The following FBLN5 variants were observed in gnomAD, a reference collection of about 807,000 sequenced individuals.
FBLN5 encodes the protein fibulin 5.
In FBLN5, 24 loss-of-function variants were observed where a neutral mutation model predicts 61.6. That is an observed-to-expected ratio of 0.39 (90% confidence interval 0.28 to 0.55). The LOEUF (loss-of-function observed/expected upper bound fraction) is 0.55, where lower values mean the gene tolerates loss of function less well. FBLN5 is among the 20% of genes least tolerant of loss of function. FBLN5 has a pLI of 0.65. For missense variants in FBLN5, 470 were observed against 594.1 expected, an observed-to-expected ratio of 0.79 and a Z score of 2.17; for synonymous variants, 213 against 219.8, an observed-to-expected ratio of 0.97 and a Z score of 0.27.
At chr14:91,942,791 T>G (rs1042669976) in intron 2 of FBLN5, 116 bp downstream of exon 2, 17 of 711,810 alleles carry the variant, frequency 2.4e-5, no homozygotes, top group Admixed American at 1.6e-4. Flanking sequence ...TCAGATGAGG[T>G]CAACTGTAAA....
intron 9 of FBLN5, among the ~76,000 whole-genome samples, chr14:91,880,050 C>G (rs185044209): frequency 2.0e-5 from 3 of 152,240 alleles, no homozygotes; most frequent in African/African-American, 4.8e-5. Context: ...TGGAAGTTGT[C>G]TTCACTTTAA....
chr14:91,870,635 C>T lies in FBLN5; in HGVS notation c.1186-250G>A, dbSNP rs551213111. ...CCCCAATCTAAGTCAGGTCCCCCTG[C>T]GACCTCTGACGCTGCAGCCTTTACT... On this transcript the variant is annotated intron_variant, in intron 10 of 10. Coordinates refer to ENST00000342058, the MANE Select transcript of FBLN5 (RefSeq NM_006329.4). 7.2e-5 allele frequency among the ~76,000 whole-genome samples: 11 copies of T among 152,358 alleles called. No individual in the cohort carries two copies. In the South Asian group the frequency reaches 2.3e-3, roughly 32 times the overall value.
At chr14:91,875,950 C>G (rs566993222) in intron 10 of FBLN5, among the ~76,000 whole-genome samples, 2 of 152,198 alleles carry the variant, frequency 1.3e-5, no homozygotes, top group African/African-American at 4.8e-5. Flanking sequence ...CAGGTTTGAT[C>G]CAACAGCGTG....
chr14:91,941,070 G>A (rs1168164287), intron 2 of FBLN5, among the ~76,000 whole-genome samples: 1 of 152,150 alleles, frequency 6.6e-6, no homozygotes, highest in Non-Finnish European at 1.5e-5. Flanking sequence ...GCCTAATGTG[G>A]CATGCTCCCT....
chr14:91,880,423 A>G (rs1163580627), intron 9 of FBLN5, among the ~76,000 whole-genome samples: 2 of 152,234 alleles, frequency 1.3e-5, no homozygotes, highest in East Asian at 1.9e-4. Context: ...AGGAGATTCT[A>G]GAACCCTGAC....
intron 5 of FBLN5, among the ~76,000 whole-genome samples, chr14:91,892,618 C>T (rs1241792133): frequency 6.6e-6 from 1 of 152,220 alleles, no homozygotes; most frequent in Non-Finnish European, 1.5e-5. Context: ...CATAGAGGGC[C>T]CATTGGCTGT....
At chr14:91,911,819 G>T (rs543958965) in intron 4 of FBLN5, among the ~76,000 whole-genome samples, 1 of 148,382 alleles carries the variant, frequency 6.7e-6, no homozygotes, top group African/African-American at 2.4e-5. Flanking sequence ...AAAAAAAAAC[G>T]GCTGGGAGAT....
intron 4 of FBLN5, among the ~76,000 whole-genome samples, chr14:91,914,302 C>T (rs544125587): frequency 3.0e-4 from 45 of 151,992 alleles, no homozygotes; most frequent in African/African-American, 1.0e-3. Flanking sequence ...ACAGTGAAAC[C>T]CTGTCTCTAC....
intron 7 of FBLN5, among the ~76,000 whole-genome samples, chr14:91,883,661 A>AAAAAAAAC (rs1219595059): frequency 9.3e-5 from 14 of 150,942 alleles, no homozygotes; most frequent in Admixed American, 7.9e-4. Context: ...AAAAAACAAA[A>AAAAAAAAC]AAAACACACA....
intron 10 of FBLN5, among the ~76,000 whole-genome samples, chr14:91,875,864 A>G (rs2139946897): frequency 6.6e-6 from 1 of 152,316 alleles, no homozygotes; most frequent in Admixed American, 6.5e-5. Context: ...GACGTGAGAG[A>G]ATGAGACAAT....
At chr14:91,940,026 G>A in intron 3 of FBLN5, 1 of 448,846 alleles carries the variant, frequency 2.2e-6, no homozygotes, top group Non-Finnish European at 4.4e-6. Context: ...GGAGGGAGGA[G>A]CCACCAGCCA....
intron 4 of FBLN5, among the ~76,000 whole-genome samples, chr14:91,936,532 GC>G (rs1264239640): frequency 6.6e-6 from 1 of 152,228 alleles, no homozygotes; most frequent in Non-Finnish European, 1.5e-5. Flanking sequence ...AATCAAGGGT[GC>G]GGGGGCTGAG....
chr14:91,919,777 C>T (rs1288277787), intron 4 of FBLN5, among the ~76,000 whole-genome samples: 1 of 152,238 alleles, frequency 6.6e-6, no homozygotes, highest in African/African-American at 2.4e-5. Context: ...CCTTCCCTTG[C>T]AGCCCTCAAA....
chr14:91,911,173 G>A (rs371744087), intron 4 of FBLN5, among the ~76,000 whole-genome samples: 22 of 151,970 alleles, frequency 1.4e-4, no homozygotes, highest in Non-Finnish European at 1.5e-4. Context: ...TAGTAGAGAC[G>A]GGCTTTTCAC....
chr14:91,872,203 T>C (rs55704174), intron 10 of FBLN5, among the ~76,000 whole-genome samples: 5,296 of 152,270 alleles, frequency 0.035, 330 homozygotes, highest in African/African-American at 0.12. Context: ...CAGCTAGTCT[T>C]GGGCAGAACC....
At chr14:91,919,463 G>T (rs1310167257) in intron 4 of FBLN5, among the ~76,000 whole-genome samples, 1 of 151,744 alleles carries the variant, frequency 6.6e-6, no homozygotes, top group African/African-American at 2.4e-5. Flanking sequence ...CCTCAAAAGG[G>T]TCCCCACTGG....
chr14:91,886,067 G>C (rs1889712158), intron 7 of FBLN5, among the ~76,000 whole-genome samples: 1 of 152,206 alleles, frequency 6.6e-6, no homozygotes, highest in Admixed American at 6.5e-5. Flanking sequence ...TTGTCAGTGA[G>C]ACTATCACAC....
intron 4 of FBLN5, among the ~76,000 whole-genome samples, chr14:91,911,634 C>T (rs1890943630): frequency 6.6e-6 from 1 of 152,212 alleles, no homozygotes; most frequent in Non-Finnish European, 1.5e-5. Flanking sequence ...AAGTCTTTCT[C>T]AGCTCGTTTG....
At chr14:91,918,098 G>A (rs955793862) in intron 4 of FBLN5, among the ~76,000 whole-genome samples, 10 of 152,210 alleles carry the variant, frequency 6.6e-5, no homozygotes, top group Admixed American at 4.6e-4. Context: ...GTAAAGGTGG[G>A]AGGTCAGGGA....
Sources: gnomAD v4.1 joint callset for allele counts (sites outside exome capture counted in the v4.1 genomes callset) on GRCh38, gnomAD v4.1.1 for gene constraint, MANE v1.5 for transcripts, NCBI Gene and HGNC (gene_info 2026-07-23, HGNC 2026-07-21) for gene names.